The following MILR1 variants were observed in gnomAD, a reference collection of about 807,000 sequenced individuals.
The protein encoded by MILR1 is mast cell immunoglobulin like receptor 1.
MILR1 carries 31 observed loss-of-function variants against 18.5 expected under a neutral mutation model. The observed-to-expected ratio is 1.68, with a 90% CI of 1.26 to 2.26. The LOEUF (loss-of-function observed/expected upper bound fraction) is 2.26. MILR1 is among the 30% of genes most tolerant of loss of function. MILR1 has a pLI of 0.00. For missense variants in MILR1, 257 were observed against 157.4 expected, an observed-to-expected ratio of 1.63 and a Z score of -3.38; for synonymous variants, 85 against 56.2, an observed-to-expected ratio of 1.51 and a Z score of -2.30.
In MILR1 at chr17:64,452,699, A is replaced by C; in HGVS notation, c.200A>C (p.Tyr67Ser). The C allele has an allele frequency of 2.1e-6, 1 of 474,960 alleles. No individual in the cohort carries two copies. The highest frequency in any genetic ancestry group is 3.9e-6 in the Non-Finnish European group (1 of 258,908). The allele number at this position is 474,960 out of a possible 1,614,324, so 29.4% of individuals were successfully genotyped here. ...SHKNKSLQIT[Y>S]SLFRRKTHLG... ...AAGAACAAATCACTGCAGATCACCTATTCATTGTTTCGACGTAAGACACAC... is the reference window on the plus strand; with the variant it reads ...AAGAACAAATCACTGCAGATCACCTCTTCATTGTTTCGACGTAAGACACAC... Residue 67 changes from tyrosine to serine, a missense_variant, in exon 3 of 10, where the codon TAT becomes TCT. By Grantham distance (144) the Tyr-to-Ser change is moderately radical (BLOSUM62 -2). Coordinates refer to ENST00000619286, the MANE Select transcript of MILR1 (RefSeq NM_001085423.2).
At chr17:64,471,416 A>G (rs1483361205), downstream of MILR1, among the ~76,000 whole-genome samples, 1 of 152,118 alleles carries the variant, frequency 6.6e-6, no homozygotes, top group African/African-American at 2.4e-5. Flanking sequence ...CCCCACTTCT[A>G]GACTAGCATG....
At chr17:64,458,359 C>T (rs1260842952) in intron 4 of MILR1, among the ~76,000 whole-genome samples, 2 of 151,904 alleles carry the variant, frequency 1.3e-5, no homozygotes, top group East Asian at 3.9e-4. Flanking sequence ...ACTACAGGCA[C>T]CCGCCACCAC....
the MILR1 span, chr17:64,496,657 T>C: frequency 2.5e-6 from 4 of 1,613,940 alleles, 1 homozygote; most frequent in South Asian, 4.4e-5. Context: ...TCCGCAACTC[T>C]ACGCCCAAGG....
chr17:64,458,022 C>T lies in MILR1; in HGVS notation c.652+338C>T, dbSNP rs1178826726. Among the ~76,000 whole-genome samples, 4 of 152,236 alleles carry T rather than the reference C, an allele frequency of 2.6e-5. No individual in the cohort carries two copies. In the South Asian group the frequency reaches 8.3e-4, roughly 32 times the overall value. On this transcript the variant is annotated intron_variant, in intron 4 of 9. Coordinates refer to ENST00000619286, the MANE Select transcript of MILR1 (RefSeq NM_001085423.2). ...GGGGACTTGTGGCAAAACTTTCTGC[C>T]CTGCCTTTCCAATTTGCATCTGTCT...
Position 64,452,725 on chromosome 17 carries a change from C to G in MILR1, c.226C>G (p.Leu76Val), listed in dbSNP as rs1280691476. 4.2e-6 allele frequency: 2 copies of G among 475,154 alleles called. No individual in the cohort carries two copies. Among genetic ancestry groups the G allele is most frequent in the East Asian group, 3.1e-5 (1 of 32,052 alleles). 29.4% of individuals were successfully genotyped at this position (475,154 alleles called of 1,614,324 possible). ...TTCATTGTTTCGACGTAAGACACACCTGGGAACCCAGGATGGAAAAGGTGA... is the reference window on the plus strand; with the variant it reads ...TTCATTGTTTCGACGTAAGACACACGTGGGAACCCAGGATGGAAAAGGTGA... ...TYSLFRRKTH[L>V]GTQDGKGEPA... Residue 76 changes from leucine to valine, a missense_variant, in exon 3 of 10, where the codon CTG becomes GTG. Leu to Val is a conservative substitution (Grantham distance 32). Coordinates refer to ENST00000619286, the MANE Select transcript of MILR1 (RefSeq NM_001085423.2).
the MILR1 span, chr17:64,490,820 A>G: frequency 6.2e-7 from 1 of 1,613,132 alleles, no homozygotes; most frequent in Non-Finnish European, 8.5e-7. Flanking sequence ...CATTGCCAGG[A>G]TACATGTGTA....
intron 2 of MILR1, 25 bp downstream of exon 2, chr17:64,449,380 A>G (rs1568061156): frequency 2.2e-6 from 1 of 453,148 alleles, no homozygotes; most frequent in Admixed American, 3.6e-5. Context: ...CTTCTTTCTT[A>G]TTGAAACCAT....
At chr17:64,466,803 C>G in intron 8 of MILR1, 141 bp downstream of exon 8, 1 of 653,396 alleles carries the variant, frequency 1.5e-6, no homozygotes, top group Non-Finnish European at 2.6e-6. Context: ...CCAATGGCAA[C>G]CAGCACCCCA....
chr17:64,497,075 G>A, the MILR1 span: 5 of 1,190,098 alleles, frequency 4.2e-6, no homozygotes, highest in African/African-American at 4.5e-5. Flanking sequence ...GCGCAACGGA[G>A]GTGAGCGTGC....
At chr17:64,463,818 T>A (rs1015611151) in intron 5 of MILR1, among the ~76,000 whole-genome samples, 2 of 109,264 alleles carry the variant, frequency 1.8e-5, no homozygotes, top group Non-Finnish European at 3.6e-5. Context: ...TCCTGGCTAA[T>A]TTTTTTTTTT....
At chr17:64,497,043 A>C in the MILR1 span, 288 of 1,440,038 alleles carry the variant, frequency 2.0e-4, no homozygotes, top group Non-Finnish European at 2.4e-4. Flanking sequence ...CGTTAACAGA[A>C]TCCGGAGAGG....
At chr17:64,488,657 C>A in the MILR1 span, among the ~76,000 whole-genome samples, 1 of 152,208 alleles carries the variant, frequency 6.6e-6, no homozygotes, top group Non-Finnish European at 1.5e-5. Context: ...CAATAAGTTT[C>A]ATTTGAGAGC....
At chr17:64,450,799 C>T (rs1172129251) in intron 2 of MILR1, among the ~76,000 whole-genome samples, 1 of 152,148 alleles carries the variant, frequency 6.6e-6, no homozygotes, top group East Asian at 1.9e-4. Context: ...TCTTTTTCAA[C>T]AGCTGCATGG....
At chr17:64,493,577 C>T in the MILR1 span, among the ~76,000 whole-genome samples, 4 of 152,082 alleles carry the variant, frequency 2.6e-5, no homozygotes, top group African/African-American at 4.8e-5. Flanking sequence ...CTCCGCCTCC[C>T]GGGTTCATGC....
Position 64,467,596 on chromosome 17 carries a change from C to A in MILR1, c.1011C>A (p.Val337=). 6.4e-7 allele frequency: 1 copy of A among 1,560,524 alleles called. No individual in the cohort carries two copies. Among genetic ancestry groups the A allele is most frequent in the Non-Finnish European group, 8.7e-7 (1 of 1,143,076 alleles). Residue 337 remains valine (V), a synonymous_variant, in exon 9 of 10, where the codon GTC becomes GTA. Coordinates refer to ENST00000619286, the MANE Select transcript of MILR1 (RefSeq NM_001085423.2). Reference sequence around the variant, plus strand: ...GTGATTCTTATAAATCTGGATATGTCTATTCTGAACTCAACTTCTGAAATT... The same window carrying A: ...GTGATTCTTATAAATCTGGATATGTATATTCTGAACTCAACTTCTGAAATT... ...EACDSYKSGY[V]YSELNF
chr17:64,481,659 G>T, the MILR1 span, among the ~76,000 whole-genome samples: 2 of 152,070 alleles, frequency 1.3e-5, no homozygotes, highest in African/African-American at 2.4e-5. Flanking sequence ...GATCACTTGA[G>T]GTCAGGAGTT....
the MILR1 span, among the ~76,000 whole-genome samples, chr17:64,478,667 A>G: frequency 0.28 from 42,028 of 151,716 alleles, 11,199 homozygotes; most frequent in African/African-American, 0.7. Context: ...GGAGGCTGAG[A>G]TGGGCGGATC....
chr17:64,492,134 A>C, the MILR1 span, among the ~76,000 whole-genome samples: 1 of 152,224 alleles, frequency 6.6e-6, no homozygotes, highest in Non-Finnish European at 1.5e-5. Context: ...AAAGTATCAC[A>C]TAGTCCTCAT....
At chr17:64,484,443 C>A in the MILR1 span, among the ~76,000 whole-genome samples, 1 of 152,228 alleles carries the variant, frequency 6.6e-6, no homozygotes, top group East Asian at 1.9e-4. Context: ...TGGAGAACAG[C>A]AGATCAAAAA....
Sources: allele counts gnomAD v4.1 joint callset (sites outside exome capture counted in the v4.1 genomes callset), GRCh38; gene constraint gnomAD v4.1.1; transcripts MANE v1.5; gene names NCBI Gene and HGNC (gene_info 2026-07-23, HGNC 2026-07-21).